MACO1: variants seen among roughly 807,000 people sequenced by gnomAD.
MACO1 encodes macoilin.
MACO1 carries 14 observed loss-of-function variants against 78.7 expected under a neutral mutation model. That is an observed-to-expected ratio of 0.18 (90% CI 0.12 to 0.28). The LOEUF (loss-of-function observed/expected upper bound fraction) is 0.28, where lower values mean the gene tolerates loss of function less well. MACO1 is among the 10% of genes least tolerant of loss of function. The pLI is 1.00. For missense variants in MACO1, 501 were observed against 799.0 expected, an observed-to-expected ratio of 0.63 and a Z score of 4.50; for synonymous variants, 288 against 291.6, an observed-to-expected ratio of 0.99 and a Z score of 0.12.
At position 25,456,790 on chromosome 1, in the gene MACO1, A is replaced by C. The variant is rs201376036; in HGVS notation, c.611A>C (p.Glu204Ala). 1.2e-5 allele frequency: 19 copies of C among 1,613,860 alleles called. No individual in the cohort carries two copies. ...CTTCTTCAACAAGCTCTCCCTCCAG[A>C]GCAACAGATGCTACAGAAGCAAGAA... ...MQLLQQALPP[E>A]QQMLQKQEKE... The change falls in exon 5 of 11, where the codon GAG becomes GCG. Residue 204 changes from glutamate to alanine, a missense_variant. Glu to Ala is a moderately radical substitution (Grantham distance 107). Transcript: ENST00000374343.
intron 6 of MACO1, among the ~76,000 whole-genome samples, chr1:25,461,291 A>C (rs1009110614): frequency 1.3e-5 from 2 of 152,104 alleles, no homozygotes; most frequent in Non-Finnish European, 2.9e-5. Context: ...CAGCACACCA[A>C]CATGGCACGT....
In MACO1 at chr1:25,491,571, C is replaced by T. The variant is rs778304098; in HGVS notation, c.1779C>T (p.Leu593=). 11 of 1,614,018 alleles carry T rather than the reference C, an allele frequency of 6.8e-6. No individual in the cohort carries two copies. Among genetic ancestry groups the T allele is most frequent in the African/African-American group, 6.7e-5 (5 of 74,934 alleles). ...CACTGGGCGATGCAAAGCGGCAGCT[C>T]GAGATTGCCCAAGGTAGGAGAACGT... is the stretch of plus-strand genomic sequence containing the variant. ...FSALGDAKRQ[L]EIAQGQILQK... is the part of the protein sequence containing the mutation. The change falls in exon 10 of 11, where the codon CTC becomes CTT. Residue 593 remains leucine, a synonymous_variant. Coordinates refer to ENST00000374343, the MANE Select transcript of MACO1 (RefSeq NM_018202.6).
chr1:25,458,334 A>G, intron 5 of MACO1, 57 bp from the exon 6 acceptor site: 1 of 1,523,672 alleles, frequency 6.6e-7, no homozygotes, highest in Non-Finnish European at 8.8e-7. Flanking sequence ...GTGTTGTTAA[A>G]CAACTAAATA....
intron 6 of MACO1, among the ~76,000 whole-genome samples, chr1:25,479,964 G>T (rs2043357141): frequency 6.6e-6 from 1 of 152,032 alleles, no homozygotes; most frequent in African/African-American, 2.4e-5. Context: ...CAGAAAAGAG[G>T]TACACCAAAT....
intron 1 of MACO1, among the ~76,000 whole-genome samples, chr1:25,436,581 A>G (rs1571946775): frequency 6.6e-6 from 1 of 152,196 alleles, no homozygotes; most frequent in East Asian, 1.9e-4. Flanking sequence ...GATGGTACAT[A>G]CAACAGTAGA....
chr1:25,464,933 CA>C (rs1438930964), intron 6 of MACO1, among the ~76,000 whole-genome samples: 1 of 151,798 alleles, frequency 6.6e-6, no homozygotes, highest in African/African-American at 2.4e-5. Context: ...CTCGGCCTCC[CA>C]AAGTGCTGGA....
chr1:25,458,422 G>C lies in MACO1; in HGVS notation c.684G>C (p.Ser228=), dbSNP rs369257820. Residue 228 remains serine (S), a synonymous_variant, in exon 6 of 11, where the codon TCG becomes TCC. Coordinates refer to ENST00000374343, the MANE Select transcript of MACO1 (RefSeq NM_018202.6). ...AAGGATTACCTGATATGGATTCTTC[G>C]ATCCTTATACACCACAATGGAGGTA... ...AAKGLPDMDS[S]ILIHHNGGIP... is the part of the protein sequence containing the mutation. 3.1e-6 allele frequency: 5 copies of C among 1,599,534 alleles called. No individual in the cohort carries two copies. The highest frequency in any genetic ancestry group is 4.3e-6 in the Non-Finnish European group (5 of 1,176,122).
intron 4 of MACO1, among the ~76,000 whole-genome samples, chr1:25,456,245 G>T (rs544680555): frequency 2.3e-4 from 34 of 148,252 alleles, no homozygotes; most frequent in Admixed American, 5.4e-4. Flanking sequence ...GCAACAGAGC[G>T]AGACTCCATT....
At chr1:25,431,437 G>A (rs1304404056) in intron 1 of MACO1, among the ~76,000 whole-genome samples, 1 of 149,642 alleles carries the variant, frequency 6.7e-6, no homozygotes, top group African/African-American at 2.4e-5. Flanking sequence ...GCCGTTGGAA[G>A]CGCCGGGCCC....
chr1:25,480,929 A>AAAAAATATATATAT (rs1553166539), intron 6 of MACO1, among the ~76,000 whole-genome samples: 2 of 47,906 alleles, frequency 4.2e-5, no homozygotes, highest in Non-Finnish European at 6.9e-5. Context: ...AAAAAAAAAA[A>AAAAAATATATATAT]ATATATATAT....
Position 25,431,113 on chromosome 1 carries a change from C to T in MACO1, c.15C>T (p.Asn5=), listed in dbSNP as rs1243361213. MKRR[N]ADCSKLRRPL... ...CCAGCGGGAGGATGAAGCGGCGGAA[C>T]GCCGACTGCAGTAAGCTCCGCCGCC... Residue 5 remains asparagine, a synonymous_variant, in exon 1 of 11, where the codon AAC becomes AAT. Coordinates refer to ENST00000374343, the MANE Select transcript of MACO1 (RefSeq NM_018202.6). The T allele has an allele frequency of 1.3e-6, 2 of 1,594,372 alleles. No individual in the cohort carries two copies. Among genetic ancestry groups the T allele is most frequent in the African/African-American group, 1.4e-5 (1 of 72,834 alleles).
At chr1:25,472,092 T>C (rs1158909420) in intron 6 of MACO1, among the ~76,000 whole-genome samples, 25 of 152,148 alleles carry the variant, frequency 1.6e-4, no homozygotes, top group Admixed American at 1.6e-3. Flanking sequence ...TGCCTTGTCT[T>C]ATTCATCTTT....
At chr1:25,473,724 A>G (rs1028715281) in intron 6 of MACO1, among the ~76,000 whole-genome samples, 7 of 152,228 alleles carry the variant, frequency 4.6e-5, no homozygotes, top group Non-Finnish European at 8.8e-5. Context: ...AAGGAACCAT[A>G]TTCTTTAAAT....
intron 6 of MACO1, among the ~76,000 whole-genome samples, chr1:25,477,832 G>A (rs1281817909): frequency 1.3e-5 from 2 of 152,212 alleles, no homozygotes; most frequent in Non-Finnish European, 2.9e-5. Flanking sequence ...GCATAGTGGT[G>A]TGGGCTGTAA....
intron 6 of MACO1, among the ~76,000 whole-genome samples, chr1:25,480,002 T>A (rs778067757): frequency 6.6e-6 from 1 of 152,160 alleles, no homozygotes; most frequent in Non-Finnish European, 1.5e-5. Context: ...GATAAGAGGA[T>A]TATGAGTTAT....
At chr1:25,473,794 A>G (rs977211699) in intron 6 of MACO1, among the ~76,000 whole-genome samples, 14 of 152,344 alleles carry the variant, frequency 9.2e-5, no homozygotes, top group African/African-American at 3.4e-4. Flanking sequence ...CAATGTGGGT[A>G]TATTTCATCT....
chr1:25,438,289 A>T (rs190101886), intron 1 of MACO1, among the ~76,000 whole-genome samples: 5 of 152,356 alleles, frequency 3.3e-5, no homozygotes, highest in Admixed American at 3.3e-4. Context: ...AAACATTAGA[A>T]ATTCATTTCA....
chr1:25,453,709 G>A (rs922165333), intron 3 of MACO1, among the ~76,000 whole-genome samples: 1 of 150,314 alleles, frequency 6.7e-6, no homozygotes, highest in Non-Finnish European at 1.5e-5. Flanking sequence ...TAAAAGAAAG[G>A]TACAAGTATT....
intron 1 of MACO1, among the ~76,000 whole-genome samples, chr1:25,444,337 TG>T (rs2042997710): frequency 6.6e-6 from 1 of 151,762 alleles, no homozygotes; most frequent in Non-Finnish European, 1.5e-5. Flanking sequence ...TGGGCTCAAA[TG>T]ATCTTCCTAC....
Sources: gnomAD v4.1 joint callset for allele counts (sites outside exome capture counted in the v4.1 genomes callset) on GRCh38, gnomAD v4.1.1 for gene constraint, MANE v1.5 for transcripts, NCBI Gene and HGNC (gene_info 2026-07-23, HGNC 2026-07-21) for gene names.